Variants in ROBO1 observed in about 807,000 individuals in gnomAD.
The protein encoded by ROBO1 is roundabout guidance receptor 1.
Under a neutral mutation model 195.9 loss-of-function variants are expected in ROBO1, and 149 were observed. The ratio of observed to expected loss-of-function variants is 0.76; its 90% CI spans 0.67 to 0.87. The LOEUF (loss-of-function observed/expected upper bound fraction) is 0.87, where lower values mean the gene tolerates loss of function less well. Ranked by LOEUF, ROBO1 falls within the 40% of genes least tolerant of loss-of-function variation. ROBO1 has a pLI of 0.00. For synonymous variants in ROBO1, 816 were observed against 733.2 expected (o/e 1.11, Z -1.82); for missense variants, 1,933 against 2,068.3 (o/e 0.93, Z 1.27).
chr3:79,182,577 G>A (rs974216927), intron 2 of ROBO1, among the ~76,000 whole-genome samples: 12 of 152,042 alleles, frequency 7.9e-5, no homozygotes, highest in African/African-American at 2.2e-4. Flanking sequence ...GTGTGCGTGC[G>A]TGCATGCACG....
At chr3:78,964,399 G>C (rs2107861160) in intron 3 of ROBO1, among the ~76,000 whole-genome samples, 1 of 152,228 alleles carries the variant, frequency 6.6e-6, no homozygotes, top group Non-Finnish European at 1.5e-5. Context: ...GGCAGAAAGG[G>C]AACAAGCCTA....
chr3:79,243,457 A>G (rs1048118018), intron 2 of ROBO1, among the ~76,000 whole-genome samples: 3 of 152,090 alleles, frequency 2.0e-5, no homozygotes, highest in Non-Finnish European at 4.4e-5. Flanking sequence ...CCAACAGTGT[A>G]AAAGTGTTCC....
intron 2 of ROBO1, among the ~76,000 whole-genome samples, chr3:79,443,644 A>T (rs369237605): frequency 6.6e-6 from 1 of 152,214 alleles, no homozygotes; most frequent in African/African-American, 2.4e-5. Flanking sequence ...TACAATATCA[A>T]TGAAAACCCC....
chr3:78,664,867 T>A (rs2107685803), intron 14 of ROBO1, among the ~76,000 whole-genome samples: 1 of 152,300 alleles, frequency 6.6e-6, no homozygotes, highest in African/African-American at 2.4e-5. Flanking sequence ...AGGTTCTTAT[T>A]ACAGTTATAA....
rs182468372 is a variant in ROBO1, at chr3:79,637,202, A to G, written c.-50-47241T>C. ...AACAAGTAATTAATATCAAATGGAA[A>G]TTTTCCAAAATGTGTGCAGCAACTT... On this transcript the variant is annotated intron_variant, in intron 1 of 30. Transcript: ENST00000464233. 8.5e-5 allele frequency among the ~76,000 whole-genome samples: 13 copies of G among 152,238 alleles called. No homozygotes were observed. In the East Asian group the frequency reaches 2.5e-3, roughly 29 times the overall value.
intron 2 of ROBO1, among the ~76,000 whole-genome samples, chr3:79,236,292 A>G (rs1318519609): frequency 1.3e-5 from 2 of 152,014 alleles, no homozygotes; most frequent in Non-Finnish European, 1.5e-5. Context: ...TGCTCTGTCC[A>G]TTTCCTTATC....
chr3:79,435,258 T>C (rs1322030124), intron 2 of ROBO1, among the ~76,000 whole-genome samples: 2 of 151,844 alleles, frequency 1.3e-5, no homozygotes, highest in African/African-American at 2.4e-5. Flanking sequence ...TTAGAGACGA[T>C]GGGAGGTGGG....
At chr3:78,831,295 G>T (rs2032177640) in intron 4 of ROBO1, among the ~76,000 whole-genome samples, 1 of 152,062 alleles carries the variant, frequency 6.6e-6, no homozygotes. Context: ...TACTTGTAAA[G>T]GTTTGGTGAC....
Position 78,932,030 on chromosome 3 carries a change from C to T in ROBO1, c.499+6571G>A, listed in dbSNP as rs186195009. Among the ~76,000 whole-genome samples, 34 of 152,190 alleles carry T rather than the reference C, an allele frequency of 2.2e-4. No homozygotes were observed. In the South Asian group the frequency reaches 4.1e-3, roughly 19 times the overall value. On this transcript the variant is annotated intron_variant, in intron 4 of 30. Coordinates refer to ENST00000464233, the MANE Select transcript of ROBO1 (RefSeq NM_002941.4). ...TACTGAGAGCTTCAGTTAAACTCTA[C>T]GGTATTAATTAAAATTAATTATACT...
At chr3:79,484,885 C>T (rs1021681446) in intron 2 of ROBO1, among the ~76,000 whole-genome samples, 3 of 151,432 alleles carry the variant, frequency 2.0e-5, no homozygotes, top group African/African-American at 4.9e-5. Context: ...TCCTGAGTAG[C>T]TGGGACTACA....
At chr3:79,398,755 C>A (rs962284334) in intron 2 of ROBO1, among the ~76,000 whole-genome samples, 1 of 152,020 alleles carries the variant, frequency 6.6e-6, no homozygotes, top group Non-Finnish European at 1.5e-5. Context: ...CCAAATGACC[C>A]TGCAGGTTTC....
At chr3:79,686,129 A>G (rs1947101848) in intron 1 of ROBO1, among the ~76,000 whole-genome samples, 1 of 152,322 alleles carries the variant, frequency 6.6e-6, no homozygotes, top group Admixed American at 6.5e-5. Context: ...AACCATGATT[A>G]TCTCAACAGA....
chr3:79,141,471 C>T (rs71324662), intron 2 of ROBO1, among the ~76,000 whole-genome samples: 1,759 of 152,068 alleles, frequency 0.012, 25 homozygotes, highest in African/African-American at 0.034. Context: ...TGTGTCCAAT[C>T]GAGGACCAGA....
At chr3:79,383,462 A>G (rs528578614) in intron 2 of ROBO1, among the ~76,000 whole-genome samples, 1 of 152,004 alleles carries the variant, frequency 6.6e-6, no homozygotes, top group Non-Finnish European at 1.5e-5. Context: ...GCAAAGTAAA[A>G]AATGGACCTG....
chr3:78,985,033 A>G, intron 3 of ROBO1, among the ~76,000 whole-genome samples: 1 of 152,068 alleles, frequency 6.6e-6, no homozygotes, highest in Non-Finnish European at 1.5e-5. Context: ...TATCTTCCTC[A>G]TGATTTGCAG....
rs189638728 is a variant in ROBO1, at chr3:79,452,608, A to G, written c.88+137216T>C. Among the ~76,000 whole-genome samples the G allele has an allele frequency of 2.6e-3, 392 of 152,222 alleles. 2 individuals are homozygous for G. The highest frequency in any genetic ancestry group is 8.1e-3 in the African/African-American group (337 of 41,540). On this transcript the variant is annotated intron_variant, in intron 2 of 30. Coordinates refer to ENST00000464233, the MANE Select transcript of ROBO1 (RefSeq NM_002941.4). ...TCACAGTAGGTATTGAATAGGAATG[A>G]CTGAACTAGTCAATTACCTAAATTA...
chr3:78,729,726 T>C (rs1260939715), intron 5 of ROBO1, among the ~76,000 whole-genome samples: 1 of 152,172 alleles, frequency 6.6e-6, no homozygotes, highest in South Asian at 2.1e-4. Flanking sequence ...GGAGGCAATA[T>C]AAAGAGTGGT....
At chr3:79,534,893 C>T (rs1941795940) in intron 2 of ROBO1, among the ~76,000 whole-genome samples, 1 of 152,092 alleles carries the variant, frequency 6.6e-6, no homozygotes, top group African/African-American at 2.4e-5. Flanking sequence ...TCTTGGGTGA[C>T]GCATACTAAC....
chr3:78,715,681 A>G (rs1288709329), intron 7 of ROBO1, among the ~76,000 whole-genome samples: 2 of 152,080 alleles, frequency 1.3e-5, no homozygotes, highest in African/African-American at 4.8e-5. Context: ...ATAGGATTAT[A>G]GCGTGCCACC....
Sources: gnomAD v4.1 joint callset for allele counts (sites outside exome capture counted in the v4.1 genomes callset) on GRCh38, gnomAD v4.1.1 for gene constraint, MANE v1.5 for transcripts, NCBI Gene and HGNC (gene_info 2026-07-23, HGNC 2026-07-21) for gene names.